The following FAM83B variants were observed in gnomAD, a reference collection of about 807,000 sequenced individuals.
FAM83B encodes scaffolding CK1 anchoring protein B.
A neutral mutation model predicts 38.8 loss-of-function variants in FAM83B; 26 were observed. The ratio of observed to expected loss-of-function variants is 0.67; its 90% confidence interval spans 0.49 to 0.93. The LOEUF (loss-of-function observed/expected upper bound fraction) is 0.93. FAM83B is among the 40% of genes least tolerant of loss of function. FAM83B has a pLI of 0.00. For missense variants in FAM83B, 1,237 were observed against 1,197.3 expected (o/e 1.03, Z -0.49); for synonymous variants, 419 against 423.1 (o/e 0.99, Z 0.12).
intron 2 of FAM83B, among the ~76,000 whole-genome samples, chr6:54,889,805 C>T (rs1772360497): frequency 6.6e-6 from 1 of 152,016 alleles, no homozygotes; most frequent in South Asian, 2.1e-4. Flanking sequence ...GTTGTTGATA[C>T]ACACTTACAA....
In FAM83B at chr6:54,870,273, A is replaced by G; in HGVS notation, c.27A>G (p.Ser9=). The change falls in exon 2 of 5, where the codon TCA becomes TCG. Residue 9 remains serine, a synonymous_variant. Coordinates refer to ENST00000306858, the MANE Select transcript of FAM83B (RefSeq NM_001010872.3). ...TGGAGACCTCATCAATGCTTTCCTC[A>G]TTGAATGATGAGTGTAAATCTGACA... METSSMLS[S]LNDECKSDNY... 6.2e-7 allele frequency: 1 copy of G among 1,613,776 alleles called. No homozygotes were observed. Among genetic ancestry groups the G allele is most frequent in the Non-Finnish European group, 8.5e-7 (1 of 1,179,758 alleles).
chr6:54,851,231 A>G (rs1460035515), intron 1 of FAM83B, among the ~76,000 whole-genome samples: 1 of 149,050 alleles, frequency 6.7e-6, no homozygotes, highest in Non-Finnish European at 1.5e-5. Context: ...CATCCTTTGT[A>G]TCCTCCTTTT....
At chr6:54,856,476 G>C (rs1771449547) in intron 1 of FAM83B, among the ~76,000 whole-genome samples, 1 of 152,178 alleles carries the variant, frequency 6.6e-6, no homozygotes, top group African/African-American at 2.4e-5. Flanking sequence ...CACAATTGTA[G>C]AGAGAGAAAG....
rs570418040 is a variant in FAM83B, at chr6:54,926,984, T to C, written c.609+449T>C. 2.0e-5 allele frequency among the ~76,000 whole-genome samples: 3 copies of C among 152,198 alleles called. No homozygotes were observed. The South Asian group carries it at 6.2e-4, about 32-fold the overall frequency. On this transcript the variant is annotated intron_variant, in intron 3 of 4. Transcript: ENST00000306858. ...TCCTGACCTCGTGATCCACCCAAAG[T>C]GGCCTCCCAAAGTGCTGGGATTACA...
At chr6:54,914,385 G>A (rs1487740327) in intron 2 of FAM83B, among the ~76,000 whole-genome samples, 1 of 152,040 alleles carries the variant, frequency 6.6e-6, no homozygotes, top group Non-Finnish European at 1.5e-5. Flanking sequence ...CTTACATTCT[G>A]TCTCACCCTA....
intron 2 of FAM83B, among the ~76,000 whole-genome samples, chr6:54,910,315 G>C (rs1370954697): frequency 6.6e-6 from 1 of 152,162 alleles, no homozygotes. Flanking sequence ...CCAATTGACT[G>C]TCAGGTTTTA....
intron 2 of FAM83B, among the ~76,000 whole-genome samples, chr6:54,889,087 T>A (rs9475059): frequency 0.028 from 4,243 of 152,184 alleles, 199 homozygotes; most frequent in African/African-American, 0.096. Context: ...TTGATATTTG[T>A]CAGTCCTATA....
intron 1 of FAM83B, among the ~76,000 whole-genome samples, chr6:54,862,947 C>CA (rs1010679724): frequency 6.6e-6 from 1 of 151,476 alleles, no homozygotes; most frequent in Non-Finnish European, 1.5e-5. Flanking sequence ...TTTATTGGTG[C>CA]AAAAAAATAA....
intron 1 of FAM83B, among the ~76,000 whole-genome samples, chr6:54,854,099 C>T (rs1317573039): frequency 6.6e-6 from 1 of 152,094 alleles, no homozygotes; most frequent in East Asian, 1.9e-4. Context: ...GAAGATGTGG[C>T]TTAGTTTTTT....
At position 54,944,073 on chromosome 6, in the gene FAM83B, CTT is replaced by C. The variant is rs1773756815; in HGVS notation, c.*2067_*2068del. ...TCTGCGTTTTTTAAAAATTGTTTTT[CTT>C]GTATCTTTTTTCTTCAAAAATATCT... On this transcript the variant is annotated 3_prime_UTR_variant, in exon 5 of 5. Transcript: ENST00000306858. The C allele has an allele frequency of 2.6e-5, 4 of 152,032 alleles. No homozygotes were observed. The highest frequency in any genetic ancestry group is 5.9e-5 in the Non-Finnish European group (4 of 67,986). 9.4% of individuals were successfully genotyped at this position (152,032 alleles called of 1,614,324 possible). A position where few individuals can be genotyped will look rare whatever the true frequency, so the allele number is the denominator to read the frequency against.
chr6:54,871,173 A>G (rs1359551135), intron 2 of FAM83B, among the ~76,000 whole-genome samples: 4 of 152,200 alleles, frequency 2.6e-5, no homozygotes, highest in South Asian at 4.1e-4. Context: ...GAAACAGTAT[A>G]AAATCAACAT....
intron 2 of FAM83B, among the ~76,000 whole-genome samples, chr6:54,898,610 C>G (rs141652672): frequency 8.7e-4 from 133 of 152,262 alleles, no homozygotes; most frequent in African/African-American, 3.1e-3. Flanking sequence ...CTGGTTATTA[C>G]CATTTATAGC....
intron 1 of FAM83B, among the ~76,000 whole-genome samples, chr6:54,869,623 G>A (rs953060884): frequency 2.0e-5 from 3 of 152,060 alleles, no homozygotes; most frequent in East Asian, 3.9e-4. Context: ...TCATTGCTCC[G>A]GGTCCAGCCG....
In FAM83B at chr6:54,927,600, T is replaced by G. The variant is rs768130514; in HGVS notation, c.702T>G (p.Val234=). The change falls in exon 4 of 5, where the codon GTT becomes GTG. Residue 234 remains valine, a synonymous_variant. Transcript: ENST00000306858. ...AAATGGAACAGAAATTTTTGTTAGTTGACTGCCAGAAAGTGATGTACGGTT... is the reference window on the plus strand; with the variant it reads ...AAATGGAACAGAAATTTTTGTTAGTGGACTGCCAGAAAGTGATGTACGGTT... The part of the protein sequence containing the change: ...HGKMEQKFLL[V]DCQKVMYGSY... 6.2e-7 allele frequency: 1 copy of G among 1,607,888 alleles called. No individual in the cohort carries two copies.
At chr6:54,910,455 G>T (rs1335586418) in intron 2 of FAM83B, among the ~76,000 whole-genome samples, 1 of 152,080 alleles carries the variant, frequency 6.6e-6, no homozygotes, top group Non-Finnish European at 1.5e-5. Context: ...CGTTTTCCGA[G>T]GCTAATGCCA....
chr6:54,921,800 A>G (rs9464163), intron 2 of FAM83B, among the ~76,000 whole-genome samples: 2,328 of 152,156 alleles, frequency 0.015, 59 homozygotes, highest in African/African-American at 0.053. Context: ...TGTAATTTTG[A>G]TAACTAACCA....
intron 2 of FAM83B, among the ~76,000 whole-genome samples, chr6:54,915,977 T>A (rs1387557308): frequency 2.6e-5 from 4 of 152,160 alleles, no homozygotes; most frequent in African/African-American, 9.7e-5. Context: ...TAGCCTAGCA[T>A]TCAACGACTT....
chr6:54,886,609 A>G (rs1772281202), intron 2 of FAM83B, among the ~76,000 whole-genome samples: 1 of 151,714 alleles, frequency 6.6e-6, no homozygotes, highest in Non-Finnish European at 1.5e-5. Flanking sequence ...TGACTGTTGG[A>G]TTTGTGATGA....
chr6:54,851,592 C>A (rs1172715474), intron 1 of FAM83B, among the ~76,000 whole-genome samples: 2 of 151,762 alleles, frequency 1.3e-5, no homozygotes, highest in African/African-American at 4.8e-5. Context: ...CCTGCCTCAG[C>A]CTCCCGAGTA....
Sources: allele counts gnomAD v4.1 joint callset (sites outside exome capture counted in the v4.1 genomes callset), GRCh38; gene constraint gnomAD v4.1.1; transcripts MANE v1.5; gene names NCBI Gene and HGNC (gene_info 2026-07-23, HGNC 2026-07-21).